TTYH1: variants seen among roughly 807,000 people sequenced by gnomAD.
The protein encoded by TTYH1 is tweety family member 1.
In TTYH1, 33 loss-of-function variants were observed where a neutral mutation model predicts 61.2. The ratio of observed to expected loss-of-function variants is 0.54; its 90% CI spans 0.41 to 0.72. The LOEUF (loss-of-function observed/expected upper bound fraction) is 0.72. Among genes scored for constraint, TTYH1 ranks in the 30% least tolerant of loss-of-function variants. The pLI is 0.00. For missense variants in TTYH1, 538 were observed against 575.8 expected, an observed-to-expected ratio of 0.93 and a Z score of 0.67; for synonymous variants, 308 against 266.4, an observed-to-expected ratio of 1.16 and a Z score of -1.52.
Position 54,416,426 on chromosome 19 carries a change from A to G in TTYH1, c.126+748A>G, listed in dbSNP as rs1033068769. On this transcript the variant is annotated intron_variant, in intron 1 of 13. Transcript: ENST00000376530. The surrounding 1 kb of genome is among the most constrained non-coding windows in gnomAD (Gnocchi z 7.0). ...GCTCGGGGCAGCTCCAATGGGCGAA[A>G]GAGCTGTCCCCTGACCCAGTTTAAT... 2.2e-5 allele frequency: 6 copies of G among 271,844 alleles called. No homozygotes were observed. The highest frequency in any genetic ancestry group is 1.4e-4 in the African/African-American group (6 of 44,040). 16.8% of individuals were successfully genotyped at this position (271,844 alleles called of 1,614,324 possible). A position where few individuals can be genotyped will look rare whatever the true frequency, so the allele number is the denominator to read the frequency against.
At chr19:54,424,921 A>G (rs1418640614) in intron 4 of TTYH1, among the ~76,000 whole-genome samples, 2 of 152,118 alleles carry the variant, frequency 1.3e-5, no homozygotes, top group Non-Finnish European at 2.9e-5. Flanking sequence ...GGAGCTCCCA[A>G]GATCGTGGTG....
chr19:54,430,890 G>C lies in TTYH1; in HGVS notation c.1017G>C (p.Gln339His). 6.2e-7 allele frequency: 1 copy of C among 1,613,100 alleles called. No homozygotes were observed. The highest frequency in any genetic ancestry group is 8.5e-7 in the Non-Finnish European group (1 of 1,180,004). Residue 339 changes from glutamine (Q) to histidine (H), a missense_variant, in exon 9 of 14, where the codon CAG becomes CAC. Coordinates refer to ENST00000376530, the MANE Select transcript of TTYH1 (RefSeq NM_020659.4). ...LLGLEREAVP[Q>H]FPSAQKPLLS... is the part of the protein sequence containing the mutation. ...GCCTGGAGCGAGAAGCTGTGCCTCA[G>C]TTCCCTTCAGCGCAGGTCGGTGGGT... is the stretch of plus-strand genomic sequence containing the variant.
intron 7 of TTYH1, 74 bp downstream of exon 7, chr19:54,430,031 C>A (rs2083402758): frequency 1.5e-6 from 2 of 1,333,390 alleles, no homozygotes; most frequent in African/African-American, 1.5e-5. Flanking sequence ...CTCCTCTGTG[C>A]CCGGTCCTGC....
At position 54,417,221 on chromosome 19, in the gene TTYH1, C is replaced by T. The variant is rs139421221; in HGVS notation, c.126+1543C>T. Among the ~76,000 whole-genome samples, 793 of 151,684 alleles carry T rather than the reference C, an allele frequency of 5.2e-3. 6 individuals are homozygous for T. The highest frequency in any genetic ancestry group is 0.023 in the Admixed American group (344 of 15,216). On this transcript the variant is annotated intron_variant, in intron 1 of 13. Coordinates refer to ENST00000376530, the MANE Select transcript of TTYH1 (RefSeq NM_020659.4). ...GCACAGGCACACCCAGACACGCCCACTTATTCCAACACACTCACATGCACA... is the reference window on the plus strand; with the variant it reads ...GCACAGGCACACCCAGACACGCCCATTTATTCCAACACACTCACATGCACA...
rs913581276 is a variant in TTYH1, at chr19:54,415,732, G to A, written c.126+54G>A. The A allele has an allele frequency of 2.3e-5, 34 of 1,448,218 alleles. No individual in the cohort carries two copies. The highest frequency in any genetic ancestry group is 2.2e-4 in the Admixed American group (9 of 41,466). The allele number at this position is 1,448,218 out of a possible 1,614,324, so 89.7% of individuals were successfully genotyped here. A position where few individuals can be genotyped will look rare whatever the true frequency, so the allele number is the denominator to read the frequency against. On this transcript the variant is annotated intron_variant, in intron 1 of 13. Transcript: ENST00000376530. This position sits in a 1 kb window ranked among gnomAD's most constrained non-coding sequence, Gnocchi z 5.2. Reference sequence around the variant, plus strand: ...CAGGGCTGGGGGCCGGAGCTCCTGGGTCCCGAGGGAGAAGGGGGCTGGGTC... The same window carrying A: ...CAGGGCTGGGGGCCGGAGCTCCTGGATCCCGAGGGAGAAGGGGGCTGGGTC...
chr19:54,423,332 G>A (rs373316298), intron 4 of TTYH1, among the ~76,000 whole-genome samples: 1 of 151,820 alleles, frequency 6.6e-6, no homozygotes, highest in Admixed American at 6.6e-5. Context: ...CAAGTAGCTG[G>A]CATTACAGGC....
chr19:54,435,513 C>T lies in TTYH1; in HGVS notation c.1126-29C>T, dbSNP rs376773909. 1.8e-5 allele frequency: 28 copies of T among 1,566,156 alleles called. 1 individual carries two copies. In the East Asian group the frequency reaches 4.5e-4, roughly 25 times the overall value. ...GTGCCGATGGGGGAGGGGGTGGGGA[C>T]GCATGGCCTGATGACGCCCTCCCCT... is the stretch of plus-strand genomic sequence containing the variant. On this transcript the variant is annotated intron_variant, in intron 10 of 13. Transcript: ENST00000376530.
In TTYH1 at chr19:54,431,188, C is replaced by G; in HGVS notation, c.1122C>G (p.His374Gln). The G allele has an allele frequency of 6.2e-7, 1 of 1,612,060 alleles. No individual in the cohort carries two copies. The highest frequency in any genetic ancestry group is 8.5e-7 in the Non-Finnish European group (1 of 1,178,230). ...CACTGCTACACTGCCGCAGCCTGCA[C>G]AAGGTGAAGCCCCTCCCCTCCCAAT... ...LVALLHCRSL[H>Q]KDYGAALRGL... is the part of the protein sequence containing the mutation. Residue 374 changes from histidine (H) to glutamine (Q), a missense_variant, in exon 10 of 14, where the codon CAC (histidine) becomes CAG (glutamine). Physicochemically the swap from His to Gln is conservative, Grantham distance 24. This residue lies in a region of TTYH1 where 378 missense variants were observed against 401.2 expected (regional missense o/e 0.94). Coordinates refer to ENST00000376530, the MANE Select transcript of TTYH1 (RefSeq NM_020659.4).
chr19:54,419,103 G>A lies in TTYH1; in HGVS notation c.127-25G>A, dbSNP rs2083148847. 6.3e-7 allele frequency: 1 copy of A among 1,596,974 alleles called. No individual in the cohort carries two copies. Among genetic ancestry groups the A allele is most frequent in the South Asian group, 1.1e-5 (1 of 89,268 alleles). On this transcript the variant is annotated intron_variant, in intron 1 of 13. Transcript: ENST00000376530. The surrounding 1 kb of genome is among the most constrained non-coding windows in gnomAD (Gnocchi z 6.1). ...TGTGGAACACACGGGTGCCCTCGGA[G>A]GTCTGATGTCACCCCCTTCCCCAGG...
At chr19:54,422,609 G>A (rs568307664) in intron 4 of TTYH1, among the ~76,000 whole-genome samples, 199 bp downstream of exon 4, 134 of 152,180 alleles carry the variant, frequency 8.8e-4, no homozygotes, top group Non-Finnish European at 5.3e-4. Context: ...CCATTGGCAG[G>A]GAATGATCCA....
In TTYH1 at chr19:54,435,877, C is replaced by T. The variant is rs1213445008; in HGVS notation, c.1314+4C>T. 1.2e-6 allele frequency: 2 copies of T among 1,613,898 alleles called. No homozygotes were observed. The highest frequency in any genetic ancestry group is 1.7e-6 in the Non-Finnish European group (2 of 1,179,940). On this transcript the variant is annotated splice_donor_region_variant and intron_variant, in intron 12 of 13. Coordinates refer to ENST00000376530, the MANE Select transcript of TTYH1 (RefSeq NM_020659.4). Reference sequence around the variant, plus strand: ...TGACGACCCTTTCAACCCTCAGGTACTGGATGCCTGGGTCTGAGGGAGGAG... The same window carrying T: ...TGACGACCCTTTCAACCCTCAGGTATTGGATGCCTGGGTCTGAGGGAGGAG...
chr19:54,435,724 G>A, intron 11 of TTYH1, 40 bp downstream of exon 11: 1 of 1,610,206 alleles, frequency 6.2e-7, no homozygotes. Flanking sequence ...GGAGGGAAGA[G>A]GAGGGGCAGC....
rs2083093723 is a variant in TTYH1, at chr19:54,416,976, A to T, written c.126+1298A>T. ...GCCCCCACGGTCGGGGGTCAGGGTC[A>T]GGGTGGCAGGGATGCGCGGGCAGAG... On this transcript the variant is annotated intron_variant, in intron 1 of 13. Transcript: ENST00000376530. The surrounding 1 kb of genome is among the most constrained non-coding windows in gnomAD (Gnocchi z 7.0). The T allele has an allele frequency of 2.5e-6, 3 of 1,214,530 alleles. No individual in the cohort carries two copies. In the South Asian group the frequency reaches 4.3e-5, roughly 17 times the overall value. The allele number at this position is 1,214,530 out of a possible 1,614,324, so 75.2% of individuals were successfully genotyped here.
Position 54,422,211 on chromosome 19 carries a change from C to G in TTYH1, c.439C>G (p.Leu147Val). The G allele has an allele frequency of 6.4e-7, 1 of 1,564,086 alleles. No homozygotes were observed. The highest frequency in any genetic ancestry group is 1.2e-5 in the South Asian group (1 of 85,078). ...CCAGGTGTTGGAGACGGTGGAGAGG[C>G]TGGGCGAGGCGGTGAGGACAGAGCT... ...DHLVLETVER[L>V]GEAVRTELTT... is the part of the protein sequence containing the mutation. Residue 147 changes from leucine to valine, a missense_variant, in exon 4 of 14, where the codon CTG becomes GTG. By Grantham distance (32) the Leu-to-Val change is conservative. Around this residue, in one of 3 missense-constraint regions of TTYH1, gnomAD observed 378 missense variants for 401.2 expected, o/e 0.94. Coordinates refer to ENST00000376530, the MANE Select transcript of TTYH1 (RefSeq NM_020659.4).
intron 4 of TTYH1, among the ~76,000 whole-genome samples, chr19:54,425,829 C>T (rs1253107289): frequency 2.0e-5 from 3 of 152,158 alleles, no homozygotes; most frequent in Non-Finnish European, 4.4e-5. Context: ...GATTCTCCTG[C>T]CTCAGCCTCC....
rs371973880 is a variant in TTYH1, at chr19:54,421,245, G to C, written c.306-32G>C. ...GGTGGCCCCCGGGGTCCTGGGACCC[G>C]CTGAGATTCCTCTCCCTCCTCCTCC... On this transcript the variant is annotated intron_variant, in intron 2 of 13. Coordinates refer to ENST00000376530, the MANE Select transcript of TTYH1 (RefSeq NM_020659.4). The surrounding 1 kb of genome is among the most constrained non-coding windows in gnomAD (Gnocchi z 4.8). The C allele has an allele frequency of 6.6e-6, 10 of 1,510,532 alleles. No individual in the cohort carries two copies. Among genetic ancestry groups the C allele is most frequent in the Admixed American group, 1.7e-5 (1 of 59,798 alleles). The allele number at this position is 1,510,532 out of a possible 1,614,324, so 93.6% of individuals were successfully genotyped here. A position where few individuals can be genotyped will look rare whatever the true frequency, so the allele number is the denominator to read the frequency against.
chr19:54,417,111 G>A (rs1368214220), intron 1 of TTYH1, among the ~76,000 whole-genome samples: 5 of 152,072 alleles, frequency 3.3e-5, no homozygotes, highest in Admixed American at 3.3e-4. Flanking sequence ...GAGGCACACA[G>A]CCACACGCAC....
At chr19:54,422,546 T>A in intron 4 of TTYH1, 136 bp downstream of exon 4, 2 of 702,406 alleles carry the variant, frequency 2.8e-6, no homozygotes, top group Non-Finnish European at 4.7e-6. Context: ...ATCCAATGGG[T>A]AGAGCCCAGG....
rs1457924619 is a variant in TTYH1 at position 54,415,876 on chromosome 19, C to G, written c.126+198C>G. 1.3e-6 allele frequency: 1 copy of G among 785,864 alleles called. No individual in the cohort carries two copies. Among genetic ancestry groups the G allele is most frequent in the Non-Finnish European group, 2.0e-6 (1 of 512,268 alleles). 48.7% of individuals were successfully genotyped at this position (785,864 alleles called of 1,614,324 possible). On this transcript the variant is annotated intron_variant, in intron 1 of 13. Transcript: ENST00000376530. The surrounding 1 kb of genome is among the most constrained non-coding windows in gnomAD (Gnocchi z 5.2). ...TTCTCCTGGGACGCGCGCTGGGGGT[C>G]CAGACCTCGAGCTCTCTAAATAAGG...
Sources: gnomAD v4.1 joint callset for allele counts (sites outside exome capture counted in the v4.1 genomes callset) on GRCh38, gnomAD v4.1.1 for gene constraint, gnomAD v4.1.1 regional missense constraint, Gnocchi (gnomAD v3.1) non-coding constraint, MANE v1.5 for transcripts, NCBI Gene and HGNC (gene_info 2026-07-23, HGNC 2026-07-21) for gene names.